The following JAK2 variants were observed in gnomAD, a reference collection of about 807,000 sequenced individuals.
JAK2 encodes tyrosine-protein kinase JAK2.
JAK2 carries 86 observed loss-of-function variants against 139.3 expected under a neutral mutation model. That is an observed-to-expected ratio of 0.62 (90% CI 0.52 to 0.74). The LOEUF (loss-of-function observed/expected upper bound fraction) is 0.74, where lower values mean the gene tolerates loss of function less well. Among genes scored for constraint, JAK2 ranks in the 30% least tolerant of loss-of-function variants. JAK2 has a pLI of 0.00. For synonymous variants in JAK2, 490 were observed against 437.7 expected, an observed-to-expected ratio of 1.12 and a Z score of -1.49; for missense variants, 1,421 against 1,360.3, an observed-to-expected ratio of 1.04 and a Z score of -0.70.
rs1395402386 is a variant in JAK2, at chr9:5,081,849, G to A, written c.2559G>A (p.Gln853=). Residue 853 remains glutamine, a synonymous_variant, in exon 19 of 25, where the codon CAG becomes CAA. Coordinates refer to ENST00000381652, the MANE Select transcript of JAK2 (RefSeq NM_004972.4). ...AAGAGAGACATTTGAAATTTCTACA[G>A]CAACTTGGCAAGGTAAATTGTCAGA... is the stretch of plus-strand genomic sequence containing the variant. ...QFEERHLKFL[Q]QLGKGNFGSV... 6.2e-7 allele frequency: 1 copy of A among 1,612,598 alleles called. No individual in the cohort carries two copies. Among genetic ancestry groups the A allele is most frequent in the South Asian group, 1.1e-5 (1 of 90,838 alleles).
At position 5,085,340 on chromosome 9, in the gene JAK2, C is replaced by G. The variant is rs557772851; in HGVS notation, c.2571+3479C>G. 49 of 878,080 alleles carry G rather than the reference C, an allele frequency of 5.6e-5. No individual in the cohort carries two copies. In the African/African-American group the frequency reaches 7.6e-4, roughly 14 times the overall value. The allele number at this position is 878,080 out of a possible 1,614,324, so 54.4% of individuals were successfully genotyped here. A position where few individuals can be genotyped will look rare whatever the true frequency, so the allele number is the denominator to read the frequency against. On this transcript the variant is annotated intron_variant, in intron 19 of 24. Transcript: ENST00000381652. ...TCATCTATTAGCTGAAAAGCTATTC[C>G]TACATTTTTTCCGTACTGATAGGTG...
chr9:5,058,123 C>T (rs535100253), intron 8 of JAK2, among the ~76,000 whole-genome samples: 1 of 152,176 alleles, frequency 6.6e-6, no homozygotes, highest in East Asian at 1.9e-4. Context: ...TACTTTTTGA[C>T]AATTGTGAGT....
chr9:5,025,751 C>A (rs1344985935), intron 3 of JAK2, among the ~76,000 whole-genome samples: 1 of 152,120 alleles, frequency 6.6e-6, no homozygotes, highest in Non-Finnish European at 1.5e-5. Flanking sequence ...AAGCTTATCT[C>A]AAACTCCTGA....
chr9:5,096,497 T>TG (rs1821001258), intron 22 of JAK2, among the ~76,000 whole-genome samples: 1 of 151,978 alleles, frequency 6.6e-6, no homozygotes, highest in Non-Finnish European at 1.5e-5. Flanking sequence ...TCCCTCCATG[T>TG]GGGGGGAGGG....
chr9:5,115,482 C>A lies in JAK2; in HGVS notation c.3060-7522C>A, dbSNP rs189277399. On this transcript the variant is annotated intron_variant, in intron 22 of 24. Transcript: ENST00000381652. ...TTGATGGGAGTGTAAATTAGTTCAA[C>A]CATTGTGGAAGACAGTGTGGCAATT... 2.6e-3 allele frequency among the ~76,000 whole-genome samples: 396 copies of A among 152,280 alleles called. 5 individuals are homozygous for A. The highest frequency in any genetic ancestry group is 9.0e-3 in the African/African-American group (375 of 41,530).
At chr9:5,045,648 T>C (rs1278121033) in intron 5 of JAK2, among the ~76,000 whole-genome samples, 1 of 152,204 alleles carries the variant, frequency 6.6e-6, no homozygotes, top group Middle Eastern at 3.2e-3. Context: ...ATGTACCTCA[T>C]ACAAATGGAG....
At chr9:5,101,215 C>T (rs1284169497) in intron 22 of JAK2, among the ~76,000 whole-genome samples, 1 of 152,230 alleles carries the variant, frequency 6.6e-6, no homozygotes, top group African/African-American at 2.4e-5. Context: ...CCAAATGGCA[C>T]ACCAGGAGAT....
intron 2 of JAK2, among the ~76,000 whole-genome samples, chr9:5,016,072 C>A (rs774760179): frequency 3.6e-4 from 55 of 152,040 alleles, no homozygotes; most frequent in Non-Finnish European, 5.1e-4. Flanking sequence ...AGAGGCAGGT[C>A]CAGGATGTTA....
At chr9:5,112,179 G>A (rs974649011) in intron 22 of JAK2, 6 of 266,024 alleles carry the variant, frequency 2.3e-5, no homozygotes, top group African/African-American at 6.9e-5. Context: ...GCCACCGGGC[G>A]CTGGCCTTGG....
At chr9:4,994,514 A>G (rs1431269664) in intron 2 of JAK2, among the ~76,000 whole-genome samples, 1 of 152,174 alleles carries the variant, frequency 6.6e-6, no homozygotes, top group Non-Finnish European at 1.5e-5. Flanking sequence ...ACTGATTTAA[A>G]CCAGGGATTG....
At chr9:5,039,166 G>A (rs905052156) in intron 4 of JAK2, among the ~76,000 whole-genome samples, 1 of 151,982 alleles carries the variant, frequency 6.6e-6, no homozygotes, top group African/African-American at 2.4e-5. Flanking sequence ...GGGAAATTAG[G>A]CAAGAAAAAG....
chr9:5,089,036 G>A lies in JAK2; in HGVS notation c.2572-638G>A, dbSNP rs576925300. On this transcript the variant is annotated intron_variant, in intron 19 of 24. Transcript: ENST00000381652. ...TTGTAAAAAAGGAAAATTCTTCCTG[G>A]AAGTTAGTGACAAAAGTTTAGGAAT... Among the ~76,000 whole-genome samples, 4 of 152,328 alleles carry A rather than the reference G, an allele frequency of 2.6e-5. No homozygotes were observed. The East Asian group carries it at 7.7e-4, about 29-fold the overall frequency.
At chr9:5,101,524 A>G (rs1296797537) in intron 22 of JAK2, among the ~76,000 whole-genome samples, 1 of 152,242 alleles carries the variant, frequency 6.6e-6, no homozygotes, top group East Asian at 1.9e-4. Flanking sequence ...TGAAGAGAGC[A>G]GTGTTTCTAC....
At chr9:5,098,236 T>A (rs1340224281) in intron 22 of JAK2, 3 of 152,102 alleles carry the variant, frequency 2.0e-5, no homozygotes, top group African/African-American at 7.2e-5. Flanking sequence ...CAGAAACTGG[T>A]TTCAAGCCAA....
intron 2 of JAK2, among the ~76,000 whole-genome samples, chr9:4,994,558 T>C (rs1820452646): frequency 6.6e-6 from 1 of 152,216 alleles, no homozygotes; most frequent in African/African-American, 2.4e-5. Context: ...ATAAATAAAA[T>C]ATTTTAGACT....
At chr9:5,071,423 A>C (rs1316251319) in intron 12 of JAK2, among the ~76,000 whole-genome samples, 2 of 152,220 alleles carry the variant, frequency 1.3e-5, no homozygotes, top group Non-Finnish European at 2.9e-5. Context: ...AAAGATAGAA[A>C]AGGAATTGAA....
intron 19 of JAK2, among the ~76,000 whole-genome samples, chr9:5,082,718 T>C (rs979394478): frequency 4.6e-5 from 7 of 152,246 alleles, no homozygotes; most frequent in African/African-American, 1.7e-4. Context: ...CCGCAGTGCA[T>C]TGTGTCCCTG....
chr9:5,007,965 A>G (rs1821426624), intron 2 of JAK2, among the ~76,000 whole-genome samples: 1 of 151,820 alleles, frequency 6.6e-6, no homozygotes, highest in Non-Finnish European at 1.5e-5. Flanking sequence ...CTGACCTCAA[A>G]TGATCCCCCC....
chr9:5,057,296 T>C (rs531363485), intron 8 of JAK2, among the ~76,000 whole-genome samples: 1 of 152,246 alleles, frequency 6.6e-6, no homozygotes, highest in South Asian at 2.1e-4. Flanking sequence ...TTGCTTATTA[T>C]TGCATTTTCC....
Sources: allele counts gnomAD v4.1 joint callset (sites outside exome capture counted in the v4.1 genomes callset), GRCh38; gene constraint gnomAD v4.1.1; transcripts MANE v1.5; gene names NCBI Gene and HGNC (gene_info 2026-07-23, HGNC 2026-07-21).